Variants in ACTR1A observed in about 807,000 individuals in gnomAD.
The protein encoded by ACTR1A is actin related protein 1A.
A neutral mutation model predicts 50.7 loss-of-function variants in ACTR1A; 10 were observed. The ratio of observed to expected loss-of-function variants is 0.20; its 90% CI spans 0.12 to 0.33. ACTR1A has a LOEUF of 0.33. Ranked by LOEUF, ACTR1A falls within the 10% of genes least tolerant of loss-of-function variation. ACTR1A has a pLI of 1.00. For missense variants in ACTR1A, 253 were observed against 491.7 expected (o/e 0.51, Z 4.59); for synonymous variants, 177 against 184.2 (o/e 0.96, Z 0.32).
intron 1 of ACTR1A, among the ~76,000 whole-genome samples, chr10:102,501,729 C>T (rs1041146916): frequency 6.6e-6 from 1 of 152,198 alleles, no homozygotes; most frequent in African/African-American, 2.4e-5. Context: ...ACACGAAGAT[C>T]AAAGTTCCTT....
intron 1 of ACTR1A, among the ~76,000 whole-genome samples, chr10:102,497,929 CA>C (rs397937965): frequency 0.055 from 6,082 of 111,400 alleles, 383 homozygotes; most frequent in African/African-American, 0.18. Flanking sequence ...CCCATTTCTA[CA>C]AAAAAAAAAA....
At position 102,502,633 on chromosome 10, in the gene ACTR1A, A is replaced by G; in HGVS notation, c.15T>C (p.Asp5=). 8 of 1,614,230 alleles carry G rather than the reference A, an allele frequency of 5.0e-6. No individual in the cohort carries two copies. Among genetic ancestry groups the G allele is most frequent in the Non-Finnish European group, 6.8e-6 (8 of 1,180,018 alleles). The change falls in exon 1 of 11, where the codon GAT becomes GAC. Residue 5 remains aspartate, a synonymous_variant. Coordinates refer to ENST00000369905, the MANE Select transcript of ACTR1A (RefSeq NM_005736.4). MESY[D]VIANQPVVID... ...TCACGACAGGCTGGTTGGCGATCACATCGTAGGACTCCATGGCAGAGGAAT... is the reference window on the plus strand; with the variant it reads ...TCACGACAGGCTGGTTGGCGATCACGTCGTAGGACTCCATGGCAGAGGAAT...
At chr10:102,493,764 A>T (rs2062206582) in intron 1 of ACTR1A, among the ~76,000 whole-genome samples, 1 of 152,234 alleles carries the variant, frequency 6.6e-6, no homozygotes, top group African/African-American at 2.4e-5. Flanking sequence ...AGTATCTGGC[A>T]TTTGCTGGGT....
At chr10:102,490,934 A>C (rs1168993694) in intron 1 of ACTR1A, among the ~76,000 whole-genome samples, 1 of 152,088 alleles carries the variant, frequency 6.6e-6, no homozygotes, top group Admixed American at 6.6e-5. Context: ...CAGAGGTTGC[A>C]GTGAGCCAAG....
rs2062265156 is a variant in ACTR1A, at chr10:102,502,678, A to G, written c.-31T>C. 1.9e-6 allele frequency: 3 copies of G among 1,612,264 alleles called. No homozygotes were observed. Among genetic ancestry groups the G allele is most frequent in the Non-Finnish European group, 2.5e-6 (3 of 1,178,556 alleles). On this transcript the variant is annotated 5_prime_UTR_variant, in exon 1 of 11. Coordinates refer to ENST00000369905, the MANE Select transcript of ACTR1A (RefSeq NM_005736.4). ...AGGAATCTCTCCTTCTGGGGAAGGA[A>G]CTGCCCAGCCGGGTCCGCCGCTAGC...
At position 102,479,298 on chromosome 10, in the gene ACTR1A, C is replaced by A; in HGVS notation, c.*1565G>T. 2.3e-6 allele frequency: 1 copy of A among 444,094 alleles called. No homozygotes were observed. Among genetic ancestry groups the A allele is most frequent in the Non-Finnish European group, 4.0e-6 (1 of 248,134 alleles). The allele number at this position is 444,094 out of a possible 1,614,324, so 27.5% of individuals were successfully genotyped here. ...ACCAGGCAATGTGGTTTGTGCGAGG[C>A]TGTGCGAGGGACAGGCTTGGGCTAA... On this transcript the variant is annotated 3_prime_UTR_variant, in exon 11 of 11. Transcript: ENST00000369905. The surrounding 1 kb of genome is among the most constrained non-coding windows in gnomAD (Gnocchi z 4.0).
Position 102,480,019 on chromosome 10 carries a change from T to C in ACTR1A, c.*844A>G, listed in dbSNP as rs2062130371. The stretch of plus-strand genomic sequence containing the variant: ...AGGCTAAGCTTAGGTGCTGTAAACA[T>C]TAGTGTAGCAAGGCAGGAGGCAGCA... On this transcript the variant is annotated 3_prime_UTR_variant, in exon 11 of 11. Coordinates refer to ENST00000369905, the MANE Select transcript of ACTR1A (RefSeq NM_005736.4). 5.3e-6 allele frequency: 1 copy of C among 190,234 alleles called. No homozygotes were observed. Among genetic ancestry groups the C allele is most frequent in the Non-Finnish European group, 1.1e-5 (1 of 88,846 alleles). 11.8% of individuals were successfully genotyped at this position (190,234 alleles called of 1,614,324 possible). A position where few individuals can be genotyped will look rare whatever the true frequency, so the allele number is the denominator to read the frequency against.
Position 102,479,307 on chromosome 10 carries a change from G to A in ACTR1A, c.*1556C>T. On this transcript the variant is annotated 3_prime_UTR_variant, in exon 11 of 11. Transcript: ENST00000369905. This position sits in a 1 kb window ranked among gnomAD's most constrained non-coding sequence, Gnocchi z 4.0. Reference sequence around the variant, plus strand: ...TGTGGTTTGTGCGAGGCTGTGCGAGGGACAGGCTTGGGCTAAGAGAAGGGA... The same window carrying A: ...TGTGGTTTGTGCGAGGCTGTGCGAGAGACAGGCTTGGGCTAAGAGAAGGGA... 4.8e-6 allele frequency: 2 copies of A among 420,650 alleles called. No individual in the cohort carries two copies. Among genetic ancestry groups the A allele is most frequent in the South Asian group, 3.8e-5 (2 of 52,274 alleles). The allele number at this position is 420,650 out of a possible 1,614,324, so 26.1% of individuals were successfully genotyped here. A position where few individuals can be genotyped will look rare whatever the true frequency, so the allele number is the denominator to read the frequency against.
At chr10:102,500,152 G>C (rs2062241335) in intron 1 of ACTR1A, among the ~76,000 whole-genome samples, 1 of 152,196 alleles carries the variant, frequency 6.6e-6, no homozygotes, top group Non-Finnish European at 1.5e-5. Context: ...GAAGTATCTG[G>C]GCTGGGTGTG....
In ACTR1A at chr10:102,490,711, G is replaced by A. The variant is rs1023535036; in HGVS notation, c.49-98C>T. ...CCATTTTTATTTAAGAAAAGAAAGC[G>A]GCCGGGCGCAGTGGCTCACACTTGT... On this transcript the variant is annotated intron_variant, in intron 1 of 10. Transcript: ENST00000369905. 31 of 1,047,294 alleles carry A rather than the reference G, an allele frequency of 3.0e-5. No individual in the cohort carries two copies. In the Middle Eastern group the frequency reaches 9.8e-4, roughly 33 times the overall value. The allele number at this position is 1,047,294 out of a possible 1,614,324, so 64.9% of individuals were successfully genotyped here. A position where few individuals can be genotyped will look rare whatever the true frequency, so the allele number is the denominator to read the frequency against.
rs1490317981 is a variant in ACTR1A at position 102,502,687 on chromosome 10, C to T, written c.-40G>A. On this transcript the variant is annotated 5_prime_UTR_variant, in exon 1 of 11. Coordinates refer to ENST00000369905, the MANE Select transcript of ACTR1A (RefSeq NM_005736.4). Reference sequence around the variant, plus strand: ...TCCTTCTGGGGAAGGAACTGCCCAGCCGGGTCCGCCGCTAGCGCCACTGAC... The same window carrying T: ...TCCTTCTGGGGAAGGAACTGCCCAGTCGGGTCCGCCGCTAGCGCCACTGAC... 4 of 1,609,382 alleles carry T rather than the reference C, an allele frequency of 2.5e-6. No individual in the cohort carries two copies. Among genetic ancestry groups the T allele is most frequent in the South Asian group, 1.1e-5 (1 of 90,920 alleles).
In ACTR1A at chr10:102,482,887, G is replaced by C; in HGVS notation, c.750+124C>G. 1 of 777,226 alleles carries C rather than the reference G, an allele frequency of 1.3e-6. No individual in the cohort carries two copies. Among genetic ancestry groups the C allele is most frequent in the African/African-American group, 1.7e-5 (1 of 58,754 alleles). The allele number at this position is 777,226 out of a possible 1,614,324, so 48.1% of individuals were successfully genotyped here. The stretch of plus-strand genomic sequence containing the variant: ...GGGCCACGTGCAGCCCATGGGCCAG[G>C]GGTTGGACAAGCTTGGTGTAAAGGG... On this transcript the variant is annotated intron_variant, in intron 7 of 10. Transcript: ENST00000369905. The surrounding 1 kb of genome is among the most constrained non-coding windows in gnomAD (Gnocchi z 5.6).
chr10:102,498,676 T>C (rs1312128259), intron 1 of ACTR1A, among the ~76,000 whole-genome samples: 3 of 151,954 alleles, frequency 2.0e-5, no homozygotes, highest in African/African-American at 7.3e-5. Context: ...TCTCACTATG[T>C]TGCCCAGGCT....
intron 6 of ACTR1A, chr10:102,483,357 G>A (rs758706301): frequency 4.5e-6 from 2 of 446,620 alleles, no homozygotes; most frequent in Non-Finnish European, 8.1e-6. Context: ...CTGGATCCTA[G>A]GTCTGAGACC....
intron 1 of ACTR1A, among the ~76,000 whole-genome samples, chr10:102,500,571 A>G (rs905472683): frequency 2.0e-4 from 21 of 104,870 alleles, no homozygotes; most frequent in African/African-American, 8.2e-4. Flanking sequence ...CGTCTCAAAA[A>G]CAAACAAACA....
Position 102,481,820 on chromosome 10 carries a change from C to T in ACTR1A, c.987+17G>A, listed in dbSNP as rs767453760. The stretch of plus-strand genomic sequence containing the variant: ...GAAGCCTAGTTCCACCCAGGCCAGG[C>T]CCCACCATGCTCCTACCCTGATCTT... On this transcript the variant is annotated intron_variant, in intron 9 of 10. Coordinates refer to ENST00000369905, the MANE Select transcript of ACTR1A (RefSeq NM_005736.4). The T allele has an allele frequency of 1.2e-6, 2 of 1,612,106 alleles. No individual in the cohort carries two copies. The highest frequency in any genetic ancestry group is 1.1e-5 in the South Asian group (1 of 90,992).
At position 102,488,295 on chromosome 10, in the gene ACTR1A, C is replaced by G; in HGVS notation, c.190-20G>C. 1.2e-6 allele frequency: 2 copies of G among 1,608,788 alleles called. No homozygotes were observed. Among genetic ancestry groups the G allele is most frequent in the Non-Finnish European group, 8.5e-7 (1 of 1,175,490 alleles). ...GTGCTCCTGGGAAAAGAGAACAGGA[C>G]TTACGACTGCAGTCAGGCTCCACCC... On this transcript the variant is annotated intron_variant, in intron 3 of 10. Coordinates refer to ENST00000369905, the MANE Select transcript of ACTR1A (RefSeq NM_005736.4). The surrounding 1 kb of genome is among the most constrained non-coding windows in gnomAD (Gnocchi z 4.4).
At position 102,488,250 on chromosome 10, in the gene ACTR1A, C is replaced by T. The variant is rs201319387; in HGVS notation, c.215G>A (p.Arg72His). The T allele has an allele frequency of 5.9e-5, 96 of 1,613,842 alleles. 1 individual carries two copies. The Middle Eastern group carries it at 2.5e-3, about 42-fold the overall frequency. Residue 72 changes from arginine (R) to histidine (H), a missense_variant, in exon 4 of 11, where the codon CGC becomes CAC. Physicochemically the swap from Arg to His is conservative, Grantham distance 29. Around this residue, in one of 4 missense-constraint regions of ACTR1A, gnomAD observed 96 missense variants for 238.7 expected, o/e 0.40. Transcript: ENST00000369905. This position sits in a 1 kb window ranked among gnomAD's most constrained non-coding sequence, Gnocchi z 4.4. ...AEEHRGLLSIRYPMEHGIVKD... is the reference protein window; with the variant it reads ...AEEHRGLLSIHYPMEHGIVKD... Reference sequence around the variant, plus strand: ...GACGATGCCATGCTCCATGGGATAGCGGATTGAAAGCAGCCCTCGGTGCTC... The same window carrying T: ...GACGATGCCATGCTCCATGGGATAGTGGATTGAAAGCAGCCCTCGGTGCTC...
chr10:102,494,710 C>T (rs1383320888), intron 1 of ACTR1A, among the ~76,000 whole-genome samples: 1 of 152,160 alleles, frequency 6.6e-6, no homozygotes, highest in African/African-American at 2.4e-5. Context: ...CACCCCATCA[C>T]TTTGGAAGGC....
Sources: allele counts gnomAD v4.1 joint callset (sites outside exome capture counted in the v4.1 genomes callset), GRCh38; gene constraint gnomAD v4.1.1; regional missense constraint gnomAD v4.1.1; non-coding constraint Gnocchi (gnomAD v3.1); transcripts MANE v1.5; gene names NCBI Gene and HGNC (gene_info 2026-07-23, HGNC 2026-07-21).